Variants in PTCD3 observed in about 807,000 individuals in gnomAD.
PTCD3 encodes the protein small ribosomal subunit protein mS39.
A neutral mutation model predicts 101.9 loss-of-function variants in PTCD3; 89 were observed. The ratio of observed to expected loss-of-function variants is 0.87; its 90% confidence interval spans 0.74 to 1.04. PTCD3 has a LOEUF of 1.04. PTCD3 is among the 50% of genes least tolerant of loss of function. The probability of loss-of-function intolerance (pLI) is 0.00; values close to 1 mark genes in which losing one functional copy is unlikely to be tolerated. For missense variants in PTCD3, 870 were observed against 828.2 expected (o/e 1.05, Z -0.62); for synonymous variants, 296 against 278.5 (o/e 1.06, Z -0.63).
intron 4 of PTCD3, 47 bp downstream of exon 4, chr2:86,111,205 A>C (rs1181136770): frequency 3.3e-6 from 5 of 1,500,370 alleles, no homozygotes; most frequent in Non-Finnish European, 4.6e-6. Flanking sequence ...TTGGCTAATA[A>C]CACACTTTTT....
chr2:86,139,782 CAG>C lies in PTCD3; in HGVS notation c.*2226_*2227del, dbSNP rs1674651820. On this transcript the variant is annotated 3_prime_UTR_variant, in exon 24 of 24. Coordinates refer to ENST00000254630, the MANE Select transcript of PTCD3 (RefSeq NM_017952.6). ...CACCACTGCATTCCAGCCTGGTTGACAGAGTGACCCTTGTCTCCAAGAAAAAA... is the reference window on the plus strand; with the variant it reads ...CACCACTGCATTCCAGCCTGGTTGACAGTGACCCTTGTCTCCAAGAAAAAA... 4 of 151,502 alleles carry C rather than the reference CAG, an allele frequency of 2.6e-5. No individual in the cohort carries two copies. The South Asian group carries it at 8.3e-4, about 32-fold the overall frequency. The allele number at this position is 151,502 out of a possible 1,614,324, so 9.4% of individuals were successfully genotyped here.
At chr2:86,124,170 T>TA (rs964476986) in intron 9 of PTCD3, among the ~76,000 whole-genome samples, 22 of 152,216 alleles carry the variant, frequency 1.4e-4, no homozygotes, top group Admixed American at 8.5e-4. Context: ...CATGTAGACA[T>TA]ACACAGCAGT....
chr2:86,117,919 G>A (rs1674204382), intron 6 of PTCD3, among the ~76,000 whole-genome samples: 1 of 152,148 alleles, frequency 6.6e-6, no homozygotes. Context: ...TGGGATTACA[G>A]GTGCCTGCCA....
intron 4 of PTCD3, 84 bp from the exon 5 acceptor site, chr2:86,116,446 A>G: frequency 8.9e-7 from 1 of 1,121,856 alleles, no homozygotes. Flanking sequence ...CTGAGGCAGG[A>G]GAATCCCTTG....
At chr2:86,111,705 G>T (rs997958315) in intron 4 of PTCD3, 4 of 158,882 alleles carry the variant, frequency 2.5e-5, no homozygotes, top group Non-Finnish European at 4.2e-5. Flanking sequence ...ACCAGCTTGG[G>T]CAATGTAGCA....
chr2:86,114,934 A>G (rs931677153), intron 4 of PTCD3, among the ~76,000 whole-genome samples: 1 of 152,264 alleles, frequency 6.6e-6, no homozygotes, highest in South Asian at 2.1e-4. Flanking sequence ...ACTTGTGACA[A>G]CACATGCAAA....
chr2:86,134,363 AAGCACCCACC>A lies in PTCD3; in HGVS notation c.1618_1627del (p.His540SerfsTer37). The A allele has an allele frequency of 6.2e-7, 1 of 1,612,414 alleles. No homozygotes were observed. Among genetic ancestry groups the A allele is most frequent in the Non-Finnish European group, 8.5e-7 (1 of 1,178,470 alleles). On this transcript the variant is annotated frameshift_variant, in exon 20 of 24. Transcript: ENST00000254630. LOFTEE classifies it high-confidence loss of function. ...GATCCTGATGCTCATGGCAAGGGAC[AAGCACCCACC>A]AGAGGTAGGCCTGAAACTCACCAGC...
At chr2:86,130,534 G>A (rs933438099) in intron 14 of PTCD3, 114 bp from the exon 15 acceptor site, 3 of 1,475,780 alleles carry the variant, frequency 2.0e-6, no homozygotes, top group Middle Eastern at 1.8e-4. Context: ...AGATCTATGC[G>A]AGGACTTAGG....
At chr2:86,132,253 TA>T in intron 16 of PTCD3, 64 bp from the exon 17 acceptor site, 1 of 953,226 alleles carries the variant, frequency 1.0e-6, no homozygotes, top group Non-Finnish European at 1.6e-6. Flanking sequence ...CTACTGTTGT[TA>T]TTTATTTGTG....
At chr2:86,116,305 G>A (rs1423087606) in intron 4 of PTCD3, among the ~76,000 whole-genome samples, 1 of 152,220 alleles carries the variant, frequency 6.6e-6, no homozygotes, top group African/African-American at 2.4e-5. Flanking sequence ...TAAGGCAGAA[G>A]TGAGAGAACT....
intron 4 of PTCD3, among the ~76,000 whole-genome samples, chr2:86,113,804 C>A (rs763736688): frequency 6.6e-6 from 1 of 151,958 alleles, no homozygotes; most frequent in Non-Finnish European, 1.5e-5. Context: ...CTGTCCCCCC[C>A]GCCACACACA....
chr2:86,107,934 C>CT (rs2104445091), intron 1 of PTCD3, among the ~76,000 whole-genome samples: 1 of 152,250 alleles, frequency 6.6e-6, no homozygotes, highest in Admixed American at 6.5e-5. Context: ...TCCTCCCTCT[C>CT]TGCCATTTAT....
intron 3 of PTCD3, 118 bp from the exon 4 acceptor site, chr2:86,110,995 C>G (rs1558793005): frequency 1.1e-6 from 1 of 931,156 alleles, no homozygotes; most frequent in South Asian, 1.3e-5. Flanking sequence ...GTGACATAAC[C>G]AGCTTCAGAT....
At chr2:86,135,876 G>C (rs746680232) in intron 21 of PTCD3, 27 of 516,082 alleles carry the variant, frequency 5.2e-5, no homozygotes, top group Non-Finnish European at 1.0e-4. Context: ...CAACCAGGCT[G>C]TGATGATTGG....
intron 6 of PTCD3, 21 bp from the exon 7 acceptor site, chr2:86,118,891 GTAGTAACTT>G: frequency 6.2e-7 from 1 of 1,603,082 alleles, no homozygotes; most frequent in Non-Finnish European, 8.5e-7. Context: ...TTACCTGTTT[GTAGTAACTT>G]TAGTCATCTT....
At chr2:86,116,501 A>G (rs766012528) in intron 4 of PTCD3, 29 bp from the exon 5 acceptor site, 4 of 1,554,952 alleles carry the variant, frequency 2.6e-6, no homozygotes, top group South Asian at 1.1e-5. Context: ...CAAAATAAAT[A>G]TAGAAATTGT....
intron 21 of PTCD3, chr2:86,136,140 C>A: frequency 2.2e-6 from 1 of 448,110 alleles, no homozygotes. Context: ...CAGTGGTGAT[C>A]CTCTACAAGA....
intron 7 of PTCD3, among the ~76,000 whole-genome samples, chr2:86,120,337 C>G (rs570226313): frequency 2.6e-5 from 4 of 152,252 alleles, no homozygotes; most frequent in East Asian, 1.9e-4. Flanking sequence ...GATCCTAGAA[C>G]ATTTCATTGT....
chr2:86,118,506 A>C (rs1168824056), intron 6 of PTCD3, among the ~76,000 whole-genome samples: 2 of 152,202 alleles, frequency 1.3e-5, no homozygotes, highest in Non-Finnish European at 2.9e-5. Context: ...GTGATTGTGT[A>C]AGTCAAAATA....
Sources: gnomAD v4.1 joint callset for allele counts (sites outside exome capture counted in the v4.1 genomes callset) on GRCh38, gnomAD v4.1.1 for gene constraint, MANE v1.5 for transcripts, NCBI Gene and HGNC (gene_info 2026-07-23, HGNC 2026-07-21) for gene names.